The following ZC3H12B variants were observed in gnomAD, a reference collection of about 807,000 sequenced individuals.
ZC3H12B encodes the protein probable ribonuclease ZC3H12B.
In ZC3H12B, 7 loss-of-function variants were observed where a neutral mutation model predicts 43.9. The observed-to-expected ratio is 0.16, with a 90% CI of 0.09 to 0.30. The LOEUF (loss-of-function observed/expected upper bound fraction) is 0.30, where lower values mean the gene tolerates loss of function less well. Among genes scored for constraint, ZC3H12B ranks in the 10% least tolerant of loss-of-function variants. The pLI, the probability that ZC3H12B is intolerant of heterozygous loss-of-function variation, is 1.00. For synonymous variants in ZC3H12B, 222 were observed against 241.7 expected (o/e 0.92, Z 0.76); for missense variants, 475 against 670.2 (o/e 0.71, Z 3.22).
chrX:65,081,123 C>T, the ZC3H12B span, among the ~76,000 whole-genome samples: 1 of 107,095 alleles, frequency 9.3e-6, no homozygotes, highest in Non-Finnish European at 1.9e-5. Flanking sequence ...AACTAAAAAA[C>T]ATATGGATAC....
exon 5 of ZC3H12B, chrX:65,503,479 C>G: frequency 3.7e-6 from 1 of 271,122 alleles, no homozygotes; most frequent in Non-Finnish European, 6.4e-6. Context: ...TCCTCTAAAT[C>G]CAAGTCCCAT....
At chrX:65,262,876 C>T in the ZC3H12B span, among the ~76,000 whole-genome samples, 1 of 110,739 alleles carries the variant, frequency 9.0e-6, no homozygotes, top group Non-Finnish European at 1.9e-5. Context: ...TCCACCCCCT[C>T]TTACTCACTG....
At chrX:65,414,934 T>A (rs1453801887) in intron 3 of ZC3H12B, among the ~76,000 whole-genome samples, 2 of 112,027 alleles carry the variant, frequency 1.8e-5, no homozygotes, top group Non-Finnish European at 3.8e-5. Flanking sequence ...CAAATATGAG[T>A]GAACAATGGA....
the ZC3H12B span, among the ~76,000 whole-genome samples, chrX:65,217,192 G>A: frequency 2.7e-5 from 3 of 112,312 alleles, no homozygotes; most frequent in African/African-American, 9.7e-5. Context: ...AATCCAGCAA[G>A]CGTGCGTATC....
At chrX:65,287,868 A>C in the ZC3H12B span, among the ~76,000 whole-genome samples, 1 of 109,601 alleles carries the variant, frequency 9.1e-6, no homozygotes, top group Non-Finnish European at 1.9e-5. Flanking sequence ...TTGGTTCTTC[A>C]AAAAGATAAA....
At chrX:65,244,201 G>T in the ZC3H12B span, among the ~76,000 whole-genome samples, 1 of 110,699 alleles carries the variant, frequency 9.0e-6, no homozygotes, top group African/African-American at 3.3e-5. Flanking sequence ...GTCATTATAC[G>T]TTGTATACTT....
intron 3 of ZC3H12B, among the ~76,000 whole-genome samples, chrX:65,483,236 T>C (rs2068084605): frequency 8.9e-6 from 1 of 112,092 alleles, no homozygotes; most frequent in Non-Finnish European, 1.9e-5. Context: ...ATATGCTATT[T>C]CTTAGACTTG....
At chrX:65,043,635 G>A in the ZC3H12B span, among the ~76,000 whole-genome samples, 1 of 111,210 alleles carries the variant, frequency 9.0e-6, no homozygotes, top group Non-Finnish European at 1.9e-5. Context: ...ATGCAGCAAT[G>A]TTTGATAGAT....
At chrX:65,473,908 T>C (rs1001608667) in intron 3 of ZC3H12B, among the ~76,000 whole-genome samples, 2 of 112,291 alleles carry the variant, frequency 1.8e-5, no homozygotes, top group Admixed American at 9.5e-5. Flanking sequence ...ATCTGGAGAA[T>C]GTTCCCTGTG....
chrX:65,094,497 C>T, the ZC3H12B span, among the ~76,000 whole-genome samples: 17 of 111,190 alleles, frequency 1.5e-4, no homozygotes, highest in African/African-American at 5.6e-4. Flanking sequence ...CATGAGACTT[C>T]CAGGGTCCCC....
chrX:65,379,617 G>C (rs1041385945), intron 2 of ZC3H12B, among the ~76,000 whole-genome samples: 9 of 112,721 alleles, frequency 8.0e-5, no homozygotes, highest in African/African-American at 2.9e-4. Context: ...GAATGACTTT[G>C]AAGAGCTGAG....
chrX:65,211,891 C>T, the ZC3H12B span, among the ~76,000 whole-genome samples: 3 of 63,216 alleles, frequency 4.7e-5, no homozygotes, highest in Non-Finnish European at 5.3e-5. Context: ...GTTATGTATA[C>T]TATATAATAT....
At chrX:65,128,467 TTG>T in the ZC3H12B span, among the ~76,000 whole-genome samples, 1 of 111,959 alleles carries the variant, frequency 8.9e-6, no homozygotes, top group South Asian at 3.7e-4. Context: ...TGAATTTTGT[TTG>T]TGGTCCAGAT....
chrX:65,421,010 T>C (rs2067011267), intron 3 of ZC3H12B, among the ~76,000 whole-genome samples: 2 of 112,268 alleles, frequency 1.8e-5, no homozygotes, highest in South Asian at 7.4e-4. Flanking sequence ...TGTCCTATCT[T>C]AGGGGTATAT....
At chrX:65,049,540 T>G in the ZC3H12B span, among the ~76,000 whole-genome samples, 1 of 111,582 alleles carries the variant, frequency 9.0e-6, no homozygotes, top group Non-Finnish European at 1.9e-5. Flanking sequence ...ATGATTGCCT[T>G]TATGTCAGTT....
At chrX:65,130,828 G>A in the ZC3H12B span, among the ~76,000 whole-genome samples, 2 of 111,568 alleles carry the variant, frequency 1.8e-5, no homozygotes, top group Admixed American at 9.5e-5. Flanking sequence ...GAGAAAAACT[G>A]CCATGAGGGA....
chrX:65,070,820 T>G, the ZC3H12B span, among the ~76,000 whole-genome samples: 1 of 104,504 alleles, frequency 9.6e-6, no homozygotes, highest in East Asian at 2.9e-4. Flanking sequence ...ATTTCTGTTT[T>G]TTTTTTTTTT....
intron 3 of ZC3H12B, 93 bp from the exon 9 acceptor site, chrX:65,499,790 A>G: frequency 4.4e-6 from 3 of 683,688 alleles, no homozygotes; most frequent in Non-Finnish European, 4.6e-6. Flanking sequence ...GGCTGTGACA[A>G]CAGTACAGGC....
At chrX:65,190,518 C>A in the ZC3H12B span, among the ~76,000 whole-genome samples, 2 of 108,134 alleles carry the variant, frequency 1.8e-5, no homozygotes, top group African/African-American at 3.4e-5. Context: ...CTTCACATCC[C>A]TTGTAAGTTG....
Sources: gnomAD v4.1 joint callset for allele counts (sites outside exome capture counted in the v4.1 genomes callset) on GRCh38, gnomAD v4.1.1 for gene constraint, MANE v1.5 for transcripts, NCBI Gene and HGNC (gene_info 2026-07-23, HGNC 2026-07-21) for gene names.